Variants in MYO5C observed in about 807,000 individuals in gnomAD.
The protein encoded by MYO5C is unconventional myosin-Vc.
A neutral mutation model predicts 235.7 loss-of-function variants in MYO5C; 194 were observed. The observed-to-expected ratio is 0.82, with a 90% CI of 0.73 to 0.93. The LOEUF is 0.93. Ranked by LOEUF, MYO5C falls within the 40% of genes least tolerant of loss-of-function variation. The pLI, the probability that MYO5C is intolerant of heterozygous loss-of-function variation, is 0.00. For missense variants in MYO5C, 2,038 were observed against 2,127.2 expected, an observed-to-expected ratio of 0.96 and a Z score of 0.82; for synonymous variants, 707 against 754.8, an observed-to-expected ratio of 0.94 and a Z score of 1.04.
chr15:52,262,886 A>G (rs1182244186), intron 9 of MYO5C, among the ~76,000 whole-genome samples: 1 of 152,172 alleles, frequency 6.6e-6, no homozygotes, highest in African/African-American at 2.4e-5. Flanking sequence ...CTAACCCCCA[A>G]TGTGACCGTA....
chr15:52,212,374 A>G (rs114979580), intron 34 of MYO5C, among the ~76,000 whole-genome samples: 1,545 of 152,262 alleles, frequency 0.01, 21 homozygotes, highest in African/African-American at 0.036. Context: ...GGAGAGAGAA[A>G]TCTTACAAAA....
intron 29 of MYO5C, among the ~76,000 whole-genome samples, chr15:52,221,784 T>C (rs978839283): frequency 7.9e-5 from 12 of 152,218 alleles, no homozygotes; most frequent in African/African-American, 2.9e-4. Context: ...GGGTTTTTTT[T>C]CCTTCCCCAA....
intron 8 of MYO5C, among the ~76,000 whole-genome samples, chr15:52,267,917 G>C (rs1470853886): frequency 6.6e-6 from 1 of 152,114 alleles, no homozygotes; most frequent in Non-Finnish European, 1.5e-5. Flanking sequence ...CCCTCCTCAC[G>C]CACCAAGCCC....
chr15:52,281,518 G>C lies in MYO5C; in HGVS notation c.138+1264C>G, dbSNP rs7181682. 9.2e-3 allele frequency among the ~76,000 whole-genome samples: 1,407 copies of C among 152,310 alleles called. 26 individuals are homozygous for C. The highest frequency in any genetic ancestry group is 0.033 in the African/African-American group (1,356 of 41,548). ...ACAGGAGACACTCAATAAAAACTGCGAGGAGCTCCTGTTGGAAAGGGAAGC... is the reference window on the plus strand; with the variant it reads ...ACAGGAGACACTCAATAAAAACTGCCAGGAGCTCCTGTTGGAAAGGGAAGC... On this transcript the variant is annotated intron_variant, in intron 2 of 40. Coordinates refer to ENST00000261839, the MANE Select transcript of MYO5C (RefSeq NM_018728.4).
intron 8 of MYO5C, 52 bp downstream of exon 8, chr15:52,269,701 T>TC: frequency 7.4e-7 from 1 of 1,345,136 alleles, no homozygotes; most frequent in Non-Finnish European, 1.0e-6. Flanking sequence ...TTAATTTTTT[T>TC]TTTTTTTTAA....
intron 9 of MYO5C, among the ~76,000 whole-genome samples, chr15:52,263,860 C>T (rs1475723653): frequency 6.6e-6 from 1 of 152,234 alleles, no homozygotes; most frequent in Non-Finnish European, 1.5e-5. Context: ...TGATCATAAG[C>T]TCCCTGAAGG....
chr15:52,196,462 T>G lies in MYO5C; in HGVS notation c.4842A>C (p.Glu1614Asp), dbSNP rs1381071370. The G allele has an allele frequency of 1.9e-6, 3 of 1,613,728 alleles. No homozygotes were observed. Among genetic ancestry groups the G allele is most frequent in the Non-Finnish European group, 2.5e-6 (3 of 1,179,888 alleles). Residue 1614 changes from glutamate (E) to aspartate (D), a missense_variant, in exon 39 of 41, where the codon GAA becomes GAC. Physicochemically the swap from Glu to Asp is conservative, Grantham distance 45. Coordinates refer to ENST00000261839, the MANE Select transcript of MYO5C (RefSeq NM_018728.4). ...GCAAGTTCTTATCTTTAAGCCATTC[T>G]TCTAAGTAGCTGATATTGCACCTGG... ...MQIRCNISYL[E>D]EWLKDKNLQN...
chr15:52,267,163 G>A (rs990973690), intron 8 of MYO5C, among the ~76,000 whole-genome samples: 2 of 152,204 alleles, frequency 1.3e-5, no homozygotes, highest in Non-Finnish European at 2.9e-5. Flanking sequence ...GGGGCAAATG[G>A]CTGCAAATTG....
At chr15:52,239,289 G>C (rs1291294302) in intron 21 of MYO5C, among the ~76,000 whole-genome samples, 1 of 152,188 alleles carries the variant, frequency 6.6e-6, no homozygotes, top group Non-Finnish European at 1.5e-5. Flanking sequence ...ATGGTATGGG[G>C]AATCTTCCCA....
rs1341458295 is a variant in MYO5C at position 52,205,023 on chromosome 15, C to T, written c.4662G>A (p.Gln1554=). The T allele has an allele frequency of 6.2e-7, 1 of 1,614,244 alleles. No individual in the cohort carries two copies. The highest frequency in any genetic ancestry group is 2.2e-5 in the East Asian group (1 of 44,878). ...DGYTMTSVLQ[Q]LSYFYTTMCQ... ...ACATGGTGGTGTAAAAGTAGCTCAG[C>T]TGTTGCAGGACGGAGGTCATGGTGT... The change falls in exon 38 of 41, where the codon CAG becomes CAA. Residue 1554 remains glutamine, a synonymous_variant. Transcript: ENST00000261839.
chr15:52,281,331 C>T (rs972610304), intron 2 of MYO5C, among the ~76,000 whole-genome samples: 3 of 152,240 alleles, frequency 2.0e-5, no homozygotes, highest in African/African-American at 4.8e-5. Context: ...AGAGGTCTGG[C>T]TGCCCGCCAT....
chr15:52,209,452 C>T (rs1458290015), intron 35 of MYO5C, among the ~76,000 whole-genome samples: 2 of 151,940 alleles, frequency 1.3e-5, no homozygotes, highest in Non-Finnish European at 2.9e-5. Flanking sequence ...GGAATAGTGG[C>T]TGAAGAGGGT....
At chr15:52,259,058 C>T (rs190981618) in intron 10 of MYO5C, among the ~76,000 whole-genome samples, 162 of 152,254 alleles carry the variant, frequency 1.1e-3, no homozygotes, top group African/African-American at 3.7e-3. Context: ...TGGCAGGAGC[C>T]GTACATCTAT....
At chr15:52,289,736 T>C (rs2140873567) in intron 1 of MYO5C, among the ~76,000 whole-genome samples, 1 of 152,266 alleles carries the variant, frequency 6.6e-6, no homozygotes, top group East Asian at 1.9e-4. Flanking sequence ...TTCCTGTGGG[T>C]GGGGCCCGGC....
intron 8 of MYO5C, among the ~76,000 whole-genome samples, chr15:52,267,728 T>C (rs1317728568): frequency 1.3e-5 from 2 of 152,184 alleles, no homozygotes; most frequent in Non-Finnish European, 1.5e-5. Flanking sequence ...CTTAGATTCA[T>C]ACCAATTAGG....
intron 29 of MYO5C, 74 bp from the exon 30 acceptor site, chr15:52,221,329 T>C (rs1469159711): frequency 4.7e-6 from 5 of 1,068,554 alleles, no homozygotes; most frequent in Non-Finnish European, 6.7e-6. Context: ...AGAAGCAAAC[T>C]GAACTATCTT....
chr15:52,244,873 A>G (rs1340517619), intron 18 of MYO5C, among the ~76,000 whole-genome samples: 1 of 152,234 alleles, frequency 6.6e-6, no homozygotes, highest in African/African-American at 2.4e-5. Flanking sequence ...TGGTCTCCAC[A>G]TTGGAGTAGA....
rs528532495 is a variant in MYO5C at position 52,282,758 on chromosome 15, G to A, written c.138+24C>T. The stretch of plus-strand genomic sequence containing the variant: ...AGCTACCGCTTTACACATCGACGTA[G>A]CTGTGAACAGCAAGGACCCTCACCG... On this transcript the variant is annotated intron_variant, in intron 2 of 40. Coordinates refer to ENST00000261839, the MANE Select transcript of MYO5C (RefSeq NM_018728.4). 6.1e-5 allele frequency: 91 copies of A among 1,489,284 alleles called. No homozygotes were observed. In the Middle Eastern group the frequency reaches 7.3e-4, roughly 12 times the overall value. 92.3% of individuals were successfully genotyped at this position (1,489,284 alleles called of 1,614,324 possible). A position where few individuals can be genotyped will look rare whatever the true frequency, so the allele number is the denominator to read the frequency against.
intron 38 of MYO5C, among the ~76,000 whole-genome samples, chr15:52,202,898 A>G (rs1354120803): frequency 6.6e-6 from 1 of 150,388 alleles, no homozygotes; most frequent in East Asian, 1.9e-4. Flanking sequence ...GTAGGTATAT[A>G]TATTTATGGG....
Sources: gnomAD v4.1 joint callset for allele counts (sites outside exome capture counted in the v4.1 genomes callset) on GRCh38, gnomAD v4.1.1 for gene constraint, MANE v1.5 for transcripts, NCBI Gene and HGNC (gene_info 2026-07-23, HGNC 2026-07-21) for gene names.